Variants in AGMO observed in about 807,000 individuals in gnomAD.
AGMO encodes alkylglycerol monooxygenase.
A neutral mutation model predicts 60.2 loss-of-function variants in AGMO; 75 were observed. That is an observed-to-expected ratio of 1.25 (90% confidence interval 1.03 to 1.51). The LOEUF is 1.51. Ranked by LOEUF, AGMO falls within the 40% of genes most tolerant of loss-of-function variation. The pLI, the probability that AGMO is intolerant of heterozygous loss-of-function variation, is 0.00. For missense variants in AGMO, 763 were observed against 525.5 expected (o/e 1.45, Z -4.42); for synonymous variants, 261 against 177.1 (o/e 1.47, Z -3.76).
rs537905455 is a variant in AGMO, at chr7:15,560,388, T to C, written c.127-117A>G. On this transcript the variant is annotated intron_variant, in intron 1 of 12. Coordinates refer to ENST00000342526, the MANE Select transcript of AGMO (RefSeq NM_001004320.2). ...CAGATTTGGGAAGCCCTGCAGGAGA[T>C]GGTAGACACTCATTTTAGAGGATTA... 11 of 1,019,954 alleles carry C rather than the reference T, an allele frequency of 1.1e-5. No homozygotes were observed. In the South Asian group the frequency reaches 1.4e-4, roughly 13 times the overall value. The allele number at this position is 1,019,954 out of a possible 1,614,324, so 63.2% of individuals were successfully genotyped here.
intron 3 of AGMO, among the ~76,000 whole-genome samples, chr7:15,474,773 G>C (rs1782548398): frequency 6.6e-6 from 1 of 151,976 alleles, no homozygotes; most frequent in South Asian, 2.1e-4. Context: ...CTACAGAATA[G>C]GAGAAAATTT....
chr7:15,461,054 C>G (rs1298196693), intron 3 of AGMO, among the ~76,000 whole-genome samples: 2 of 152,020 alleles, frequency 1.3e-5, no homozygotes, highest in East Asian at 3.9e-4. Context: ...ATTTCCTGCT[C>G]TAATAGGGCC....
chr7:15,459,452 T>A (rs149127627), intron 3 of AGMO, among the ~76,000 whole-genome samples: 7 of 152,286 alleles, frequency 4.6e-5, no homozygotes, highest in African/African-American at 1.4e-4. Flanking sequence ...ATGTTCCGAA[T>A]GCTCTCATTT....
intron 3 of AGMO, among the ~76,000 whole-genome samples, chr7:15,508,018 A>G (rs1421403747): frequency 1.3e-5 from 2 of 152,052 alleles, no homozygotes; most frequent in South Asian, 2.1e-4. Flanking sequence ...ATGGAAATAA[A>G]ATGAGATTTT....
At chr7:15,341,263 C>T (rs990790811) in intron 12 of AGMO, among the ~76,000 whole-genome samples, 1 of 152,146 alleles carries the variant, frequency 6.6e-6, no homozygotes, top group Non-Finnish European at 1.5e-5. Context: ...TTTTTATGCT[C>T]TGTCACCTCC....
intron 10 of AGMO, among the ~76,000 whole-genome samples, chr7:15,372,213 C>T (rs371812027): frequency 7.2e-5 from 11 of 151,986 alleles, no homozygotes; most frequent in African/African-American, 2.4e-4. Context: ...CACTTTACGA[C>T]GCTGAGGTGA....
chr7:15,245,906 T>C (rs1037170541), intron 12 of AGMO, among the ~76,000 whole-genome samples: 16 of 152,158 alleles, frequency 1.1e-4, no homozygotes, highest in Non-Finnish European at 2.4e-4. Context: ...TTATAGGTCA[T>C]CATCCCCAGG....
chr7:15,157,086 A>C, the AGMO span, among the ~76,000 whole-genome samples: 8 of 152,138 alleles, frequency 5.3e-5, no homozygotes, highest in Non-Finnish European at 1.2e-4. Flanking sequence ...CATTCACTTG[A>C]ATTGCGGTCT....
chr7:15,445,583 ATTTAAT>A (rs1781679739), intron 3 of AGMO, among the ~76,000 whole-genome samples: 1 of 152,176 alleles, frequency 6.6e-6, no homozygotes, highest in Admixed American at 6.5e-5. Context: ...AATTGAAGAT[ATTTAAT>A]AGATCATTTT....
chr7:15,461,548 T>C (rs187859712), intron 3 of AGMO, among the ~76,000 whole-genome samples: 4 of 152,284 alleles, frequency 2.6e-5, no homozygotes, highest in Admixed American at 2.6e-4. Context: ...ATTTGAGCTC[T>C]CCTTTGTCAA....
chr7:15,125,755 C>A, the AGMO span, among the ~76,000 whole-genome samples: 9 of 152,054 alleles, frequency 5.9e-5, no homozygotes, highest in East Asian at 1.8e-3. Flanking sequence ...TGTTCTATCT[C>A]AAAAGGAGCA....
rs1782854197 is a variant in AGMO at position 15,249,106 on chromosome 7, G to A, written c.1264-47747C>T. ...GAGCATTAGGTGCCATGGATACCAA[G>A]AAGGTAGAGTTGTTTTCATATTTTT... On this transcript the variant is annotated intron_variant, in intron 12 of 12. Coordinates refer to ENST00000342526, the MANE Select transcript of AGMO (RefSeq NM_001004320.2). Among the ~76,000 whole-genome samples the A allele has an allele frequency of 2.0e-5, 3 of 152,190 alleles. No individual in the cohort carries two copies. In the South Asian group the frequency reaches 6.2e-4, roughly 32 times the overall value.
intron 3 of AGMO, among the ~76,000 whole-genome samples, chr7:15,523,274 C>A (rs201107282): frequency 1.3e-5 from 2 of 152,162 alleles, no homozygotes; most frequent in East Asian, 3.9e-4. Context: ...GACAGTGTGG[C>A]AATTCCTCAT....
chr7:15,197,311 T>C (rs546059236), downstream of AGMO, among the ~76,000 whole-genome samples: 1 of 152,288 alleles, frequency 6.6e-6, no homozygotes, highest in Non-Finnish European at 1.5e-5. Context: ...GTTAAAGAAT[T>C]CCAGTCAATG....
At chr7:15,217,349 A>C (rs1300240574) in intron 12 of AGMO, among the ~76,000 whole-genome samples, 1 of 143,658 alleles carries the variant, frequency 7.0e-6, no homozygotes, top group African/African-American at 2.6e-5. Flanking sequence ...CACATACATA[A>C]TCTCTCTCTC....
the AGMO span, among the ~76,000 whole-genome samples, chr7:15,131,900 C>G: frequency 6.6e-6 from 1 of 151,924 alleles, no homozygotes. Flanking sequence ...ATGCAACCAG[C>G]CCAAGGCAAC....
intron 4 of AGMO, among the ~76,000 whole-genome samples, chr7:15,421,990 G>A (rs1780940094): frequency 6.6e-6 from 1 of 151,944 alleles, no homozygotes; most frequent in African/African-American, 2.4e-5. Context: ...GAGATGATGA[G>A]AAATTTTTAA....
chr7:15,347,270 G>T lies in AGMO; in HGVS notation c.1263+18244C>A, dbSNP rs139297073. Among the ~76,000 whole-genome samples, 13 of 151,992 alleles carry T rather than the reference G, an allele frequency of 8.6e-5. No homozygotes were observed. The East Asian group carries it at 2.5e-3, about 29-fold the overall frequency. ...TCTATTTCCTGGCTCTTCACTAACC[G>T]TGTAACTGGCCAACAAACTTAACCT... On this transcript the variant is annotated intron_variant, in intron 12 of 12. Coordinates refer to ENST00000342526, the MANE Select transcript of AGMO (RefSeq NM_001004320.2).
the AGMO span, among the ~76,000 whole-genome samples, chr7:15,175,311 T>C: frequency 6.6e-6 from 1 of 151,942 alleles, no homozygotes; most frequent in Non-Finnish European, 1.5e-5. Flanking sequence ...AAAGGGAGTA[T>C]TATTTTCTCT....
Sources: gnomAD v4.1 joint callset for allele counts (sites outside exome capture counted in the v4.1 genomes callset) on GRCh38, gnomAD v4.1.1 for gene constraint, MANE v1.5 for transcripts, NCBI Gene and HGNC (gene_info 2026-07-23, HGNC 2026-07-21) for gene names.